SRPK1: variants seen among roughly 807,000 people sequenced by gnomAD.
SRPK1 encodes SFRS protein kinase 1.
Under a neutral mutation model 89.5 loss-of-function variants are expected in SRPK1, and 52 were observed. That is an observed-to-expected ratio of 0.58 (90% CI 0.46 to 0.73). SRPK1 has a LOEUF of 0.73. Among genes scored for constraint, SRPK1 ranks in the 30% least tolerant of loss-of-function variants. SRPK1 has a pLI of 0.00. For synonymous variants in SRPK1, 255 were observed against 270.2 expected, an observed-to-expected ratio of 0.94 and a Z score of 0.55; for missense variants, 603 against 780.6, an observed-to-expected ratio of 0.77 and a Z score of 2.71.
At chr6:35,916,636 C>T (rs754353675) in intron 2 of SRPK1, among the ~76,000 whole-genome samples, 6 of 151,982 alleles carry the variant, frequency 3.9e-5, no homozygotes, top group Non-Finnish European at 8.8e-5. Context: ...CAAATGTATA[C>T]TAAATCCATA....
chr6:35,863,865 C>T (rs1266102480), intron 12 of SRPK1, among the ~76,000 whole-genome samples: 3 of 151,998 alleles, frequency 2.0e-5, no homozygotes, highest in African/African-American at 4.8e-5. Flanking sequence ...ATTATAACAC[C>T]GTTAATTGTA....
chr6:35,845,717 T>G (rs945001826), intron 13 of SRPK1, among the ~76,000 whole-genome samples: 1 of 152,172 alleles, frequency 6.6e-6, no homozygotes, highest in Admixed American at 6.5e-5. Flanking sequence ...ATGAGGAGTT[T>G]CAGGTAAGAG....
Position 35,921,068 on chromosome 6 carries a change from T to C in SRPK1, c.-12A>G. The C allele has an allele frequency of 2.6e-6, 4 of 1,526,778 alleles. No individual in the cohort carries two copies. Among genetic ancestry groups the C allele is most frequent in the South Asian group, 1.2e-5 (1 of 81,520 alleles). The allele number at this position is 1,526,778 out of a possible 1,614,324, so 94.6% of individuals were successfully genotyped here. A position where few individuals can be genotyped will look rare whatever the true frequency, so the allele number is the denominator to read the frequency against. ...CCTTTCCGCTCCATGGTGAGACCGG[T>C]AATCGCCAGGCGCCTGCGCACTCGA... On this transcript the variant is annotated 5_prime_UTR_variant, in exon 1 of 16. Coordinates refer to ENST00000373825, the MANE Select transcript of SRPK1 (RefSeq NM_003137.5).
chr6:35,835,409 T>C lies in SRPK1; in HGVS notation c.1863A>G (p.Glu621=), dbSNP rs1769157246. The stretch of plus-strand genomic sequence containing the variant: ...AGAAATCTGTGAAGCCAGCTGCCTC[T>C]TCCTGCGACCACTCATACTTCTCCA... ...VLVEKYEWSQ[E]EAAGFTDFLL... is the part of the protein sequence containing the mutation. The change falls in exon 16 of 16, where the codon GAA becomes GAG. Residue 621 remains glutamate, a synonymous_variant. Transcript: ENST00000373825. 3.1e-6 allele frequency: 5 copies of C among 1,613,830 alleles called. No homozygotes were observed. The highest frequency in any genetic ancestry group is 4.2e-6 in the Non-Finnish European group (5 of 1,179,830).
At chr6:35,837,731 T>A (rs1410977799) in intron 15 of SRPK1, among the ~76,000 whole-genome samples, 11 of 151,702 alleles carry the variant, frequency 7.3e-5, no homozygotes, top group Admixed American at 2.0e-4. Flanking sequence ...AATTAAAAAT[T>A]TTTTTTTGTA....
At chr6:35,853,496 CCT>C (rs1769600864) in intron 13 of SRPK1, among the ~76,000 whole-genome samples, 1 of 152,074 alleles carries the variant, frequency 6.6e-6, no homozygotes, top group African/African-American at 2.4e-5. Flanking sequence ...GAACCAATCC[CCT>C]GAGGACATTA....
At chr6:35,886,082 CT>C (rs34954400) in intron 6 of SRPK1, among the ~76,000 whole-genome samples, 51,207 of 136,344 alleles carry the variant, frequency 0.38, 9,780 homozygotes, top group African/African-American at 0.52. Context: ...TAGACAGTAT[CT>C]TTTTTTTTTT....
intron 2 of SRPK1, among the ~76,000 whole-genome samples, chr6:35,900,292 T>C (rs990619796): frequency 2.0e-5 from 3 of 152,226 alleles, no homozygotes; most frequent in Non-Finnish European, 2.9e-5. Context: ...TTTGCGAGGA[T>C]ATGTTATTCC....
intron 6 of SRPK1, among the ~76,000 whole-genome samples, chr6:35,883,666 G>A (rs1357310611): frequency 6.6e-6 from 1 of 150,898 alleles, no homozygotes; most frequent in Admixed American, 6.6e-5. Flanking sequence ...AAAAGGAAGA[G>A]CCAAATAATT....
chr6:35,896,610 C>T (rs1196963719), intron 2 of SRPK1, among the ~76,000 whole-genome samples: 1 of 152,138 alleles, frequency 6.6e-6, no homozygotes, highest in Admixed American at 6.5e-5. Flanking sequence ...GAGATGAAAA[C>T]ATGTATCCAC....
Position 35,874,268 on chromosome 6 carries a change from G to A in SRPK1, c.550C>T (p.Leu184Phe). The A allele has an allele frequency of 1.2e-6, 2 of 1,613,304 alleles. No individual in the cohort carries two copies. Among genetic ancestry groups the A allele is most frequent in the African/African-American group, 1.3e-5 (1 of 75,034 alleles). Residue 184 changes from leucine to phenylalanine, a missense_variant, in exon 7 of 16, where the codon CTT (leucine) becomes TTT (phenylalanine). Transcript: ENST00000373825. Reference sequence around the variant, plus strand: ...ATTTTTTTGACACAAGGCAGTGGAAGCCCCTGATAATTGGATTTGATGATC... The same window carrying A: ...ATTTTTTTGACACAAGGCAGTGGAAACCCCTGATAATTGGATTTGATGATC... ...KWIIKSNYQG[L>F]PLPCVKKIIQ...
In SRPK1 at chr6:35,870,967, GA is replaced by G. The variant is rs58720528; in HGVS notation, c.752-9del. 1 of 1,605,614 alleles carries G rather than the reference GA, an allele frequency of 6.2e-7. No homozygotes were observed. The highest frequency in any genetic ancestry group is 1.7e-5 in the Admixed American group (1 of 59,100). ...GCTGGGGAGCAGTACTGACTGAAAA[GA>G]AAAGAAAACCAAGTAAGAATTCTGG... is the stretch of plus-strand genomic sequence containing the variant. On this transcript the variant is annotated splice_polypyrimidine_tract_variant and intron_variant, in intron 8 of 15. Transcript: ENST00000373825.
chr6:35,846,918 T>C (rs1769438409), intron 13 of SRPK1, among the ~76,000 whole-genome samples: 1 of 152,198 alleles, frequency 6.6e-6, no homozygotes, highest in Non-Finnish European at 1.5e-5. Context: ...ATCATCTTAT[T>C]AGATGGAGAA....
rs1770462927 is a variant in SRPK1 at position 35,888,911 on chromosome 6, A to G, written c.206T>C (p.Leu69Pro). 6.2e-7 allele frequency: 1 copy of G among 1,610,894 alleles called. No individual in the cohort carries two copies. Among genetic ancestry groups the G allele is most frequent in the African/African-American group, 1.3e-5 (1 of 74,998 alleles). The change falls in exon 4 of 16, where the codon CTT becomes CCT. Residue 69 changes from leucine (L) to proline (P), a missense_variant. Physicochemically the swap from Leu to Pro is moderately conservative, Grantham distance 98 (BLOSUM62 -3). Transcript: ENST00000373825. Reference protein sequence around the residue: ...PNDYCKGGYHLVKIGDLFNGR... With the variant: ...PNDYCKGGYHPVKIGDLFNGR... ...ATTGAATAGATCTCCAATTTTCACA[A>G]GATGATAACCTCCTGGAAGAAACAG... is the stretch of plus-strand genomic sequence containing the variant.
At chr6:35,884,027 C>T (rs1770352788) in intron 6 of SRPK1, among the ~76,000 whole-genome samples, 3 of 151,902 alleles carry the variant, frequency 2.0e-5, no homozygotes, top group Admixed American at 2.0e-4. Flanking sequence ...GCCACTGCAC[C>T]CGGCCCACAA....
intron 2 of SRPK1, among the ~76,000 whole-genome samples, chr6:35,907,721 A>C (rs1226336900): frequency 6.6e-6 from 1 of 152,164 alleles, no homozygotes; most frequent in Non-Finnish European, 1.5e-5. Flanking sequence ...ATAAAAAATA[A>C]AAAATAAAAA....
chr6:35,887,164 AT>A (rs796728645), intron 5 of SRPK1, among the ~76,000 whole-genome samples: 5 of 150,190 alleles, frequency 3.3e-5, no homozygotes, highest in African/African-American at 4.9e-5. Context: ...TTCAGCGGAC[AT>A]TTTTTTTTTC....
chr6:35,875,547 A>G (rs547502295), intron 6 of SRPK1, among the ~76,000 whole-genome samples: 1 of 152,336 alleles, frequency 6.6e-6, no homozygotes, highest in South Asian at 2.1e-4. Context: ...ATGAGTTAAT[A>G]TATGAATTAA....
intron 12 of SRPK1, among the ~76,000 whole-genome samples, chr6:35,860,956 G>A (rs987072250): frequency 4.6e-5 from 7 of 152,146 alleles, no homozygotes; most frequent in Non-Finnish European, 7.3e-5. Flanking sequence ...GGAAGAGTAA[G>A]CTCTCTTTGC....
Sources: gnomAD v4.1 joint callset for allele counts (sites outside exome capture counted in the v4.1 genomes callset) on GRCh38, gnomAD v4.1.1 for gene constraint, MANE v1.5 for transcripts, NCBI Gene and HGNC (gene_info 2026-07-23, HGNC 2026-07-21) for gene names.